Variants in PTPN21 observed in about 807,000 individuals in gnomAD.
PTPN21 encodes the protein protein tyrosine phosphatase non-receptor type 21.
Under a neutral mutation model 131.8 loss-of-function variants are expected in PTPN21, and 77 were observed. The ratio of observed to expected loss-of-function variants is 0.58; its 90% confidence interval spans 0.49 to 0.71. The LOEUF (loss-of-function observed/expected upper bound fraction) is 0.71, where lower values mean the gene tolerates loss of function less well. Among genes scored for constraint, PTPN21 ranks in the 30% least tolerant of loss-of-function variants. The pLI, the probability that PTPN21 is intolerant of heterozygous loss-of-function variation, is 0.00. For missense variants in PTPN21, 1,552 were observed against 1,527.1 expected (o/e 1.02, Z -0.27); for synonymous variants, 715 against 621.3 (o/e 1.15, Z -2.24).
chr14:88,532,512 A>C (rs2078568966), intron 2 of PTPN21, among the ~76,000 whole-genome samples: 1 of 152,230 alleles, frequency 6.6e-6, no homozygotes, highest in Non-Finnish European at 1.5e-5. Flanking sequence ...AGAACAGAGA[A>C]TAGGGAAAAA....
intron 14 of PTPN21, among the ~76,000 whole-genome samples, chr14:88,472,881 A>G (rs2077492798): frequency 6.6e-6 from 1 of 152,214 alleles, no homozygotes; most frequent in African/African-American, 2.4e-5. Flanking sequence ...CTAGGTGAAA[A>G]TGAAGTTAAA....
At chr14:88,495,995 T>G (rs2077908084) in intron 10 of PTPN21, among the ~76,000 whole-genome samples, 1 of 152,086 alleles carries the variant, frequency 6.6e-6, no homozygotes, top group Non-Finnish European at 1.5e-5. Flanking sequence ...AGGACAATAT[T>G]TTATATGTGC....
chr14:88,477,007 C>T (rs2077556142), intron 13 of PTPN21, among the ~76,000 whole-genome samples: 1 of 152,064 alleles, frequency 6.6e-6, no homozygotes, highest in Non-Finnish European at 1.5e-5. Flanking sequence ...GGGGAAAGTA[C>T]GTGAGTCACA....
At chr14:88,480,519 G>C (rs1158701016) in intron 12 of PTPN21, among the ~76,000 whole-genome samples, 167 bp from the exon 13 acceptor site, 1 of 152,074 alleles carries the variant, frequency 6.6e-6, no homozygotes, top group African/African-American at 2.4e-5. Context: ...TGGGAGCTTC[G>C]GCTTCCTCAT....
At chr14:88,491,389 A>G (rs142129539) in intron 10 of PTPN21, among the ~76,000 whole-genome samples, 25 of 152,304 alleles carry the variant, frequency 1.6e-4, no homozygotes, top group African/African-American at 5.3e-4. Flanking sequence ...AGTCGAGTCT[A>G]TCTCCTGGGC....
chr14:88,544,624 A>G (rs931645901), intron 2 of PTPN21, among the ~76,000 whole-genome samples: 2 of 152,192 alleles, frequency 1.3e-5, no homozygotes, highest in African/African-American at 4.8e-5. Context: ...ATAATTACTT[A>G]AATGACAGCA....
intron 3 of PTPN21, among the ~76,000 whole-genome samples, chr14:88,508,306 T>C (rs2078128304): frequency 6.6e-6 from 1 of 152,054 alleles, no homozygotes; most frequent in Non-Finnish European, 1.5e-5. Context: ...CATACCACTA[T>C]GCCTGACAAA....
In PTPN21 at chr14:88,468,768, A is replaced by AC. The variant is rs2077405241; in HGVS notation, c.3396+147dup. On this transcript the variant is annotated intron_variant, in intron 18 of 18. Coordinates refer to ENST00000556564, the MANE Select transcript of PTPN21 (RefSeq NM_007039.4). Reference sequence around the variant, plus strand: ...TGGTACTGAGACTCTCCAAGAAGACACAGCCTTTTGCAGGGAACATTAGTA... The same window carrying AC: ...TGGTACTGAGACTCTCCAAGAAGACACCAGCCTTTTGCAGGGAACATTAGTA... The AC allele has an allele frequency of 3.4e-6, 3 of 894,122 alleles. No homozygotes were observed. In the South Asian group the frequency reaches 4.9e-5, roughly 15 times the overall value. 55.4% of individuals were successfully genotyped at this position (894,122 alleles called of 1,614,324 possible).
intron 6 of PTPN21, among the ~76,000 whole-genome samples, chr14:88,501,847 T>C (rs556703075): frequency 2.0e-5 from 3 of 151,824 alleles, no homozygotes; most frequent in African/African-American, 7.2e-5. Context: ...TAGCCAGGCA[T>C]GGTGGTGCAC....
In PTPN21 at chr14:88,525,655, A is replaced by G. The variant is rs114011655; in HGVS notation, c.181-8394T>C. 1.5e-3 allele frequency among the ~76,000 whole-genome samples: 233 copies of G among 152,322 alleles called. 1 individual carries two copies. Among genetic ancestry groups the G allele is most frequent in the African/African-American group, 4.6e-3 (191 of 41,584 alleles). ...GAAAAGTTTGGTGGATCCTCAAAAC[A>G]CTAAATATAGAATCACCATATGATC... is the stretch of plus-strand genomic sequence containing the variant. On this transcript the variant is annotated intron_variant, in intron 2 of 18. Coordinates refer to ENST00000556564, the MANE Select transcript of PTPN21 (RefSeq NM_007039.4).
chr14:88,469,733 C>G lies in PTPN21; in HGVS notation c.3001G>C (p.Glu1001Gln). Residue 1001 changes from glutamate to glutamine, a missense_variant and splice_region_variant, in exon 17 of 19, where the codon GAG becomes CAG. By Grantham distance (29) the Glu-to-Gln change is conservative. Coordinates refer to ENST00000556564, the MANE Select transcript of PTPN21 (RefSeq NM_007039.4). The surrounding 1 kb of genome is among the most constrained non-coding windows in gnomAD (Gnocchi z 4.3). ...CTAAAGCTCTTCTCCCTTCCACCCTCCTGTTAAAGATGAGCATGGTTAAAT... is the reference window on the plus strand; with the variant it reads ...CTAAAGCTCTTCTCCCTTCCACCCTGCTGTTAAAGATGAGCATGGTTAAAT... ...AIIAMVTAEE[E>Q]GGREKSFRYW... The G allele has an allele frequency of 6.2e-7, 1 of 1,613,980 alleles. No homozygotes were observed. Among genetic ancestry groups the G allele is most frequent in the Middle Eastern group, 1.6e-4 (1 of 6,062 alleles).
Position 88,550,250 on chromosome 14 carries a change from C to T in PTPN21, c.168G>A (p.Leu56=), listed in dbSNP as rs1319972551. 6 of 1,613,650 alleles carry T rather than the reference C, an allele frequency of 3.7e-6. No homozygotes were observed. Among genetic ancestry groups the T allele is most frequent in the Middle Eastern group, 3.3e-4 (2 of 6,076 alleles). Residue 56 remains leucine (L), a synonymous_variant, in exon 2 of 19, where the codon CTG becomes CTA. Transcript: ENST00000556564. ...TTAGGTGGCTTACCTCCCGCAGCTC[C>T]AGCCTCTGGGCCACGGCCTCGAGGC... is the stretch of plus-strand genomic sequence containing the variant. The part of the protein sequence containing the change: ...QESLEAVAQR[L]ELREVTYFSL...
Position 88,479,820 on chromosome 14 carries a change from G to T in PTPN21, c.1611C>A (p.Val537=), listed in dbSNP as rs1462662402. Residue 537 remains valine (V), a synonymous_variant, in exon 13 of 19, where the codon GTC becomes GTA. Transcript: ENST00000556564. The stretch of plus-strand genomic sequence containing the variant: ...GCGCATTGGTCAGCTCCGGCACGCT[G>T]ACCGCGCCCACCACGGGCCGCCGCT... ...PAERRPVVGA[V]SVPELTNAQL... The T allele has an allele frequency of 6.5e-6, 10 of 1,548,620 alleles. No individual in the cohort carries two copies. The highest frequency in any genetic ancestry group is 8.7e-6 in the Non-Finnish European group (10 of 1,152,936).
At chr14:88,511,647 A>G (rs549451567) in intron 3 of PTPN21, among the ~76,000 whole-genome samples, 1 of 152,308 alleles carries the variant, frequency 6.6e-6, no homozygotes, top group East Asian at 1.9e-4. Flanking sequence ...CCAGCCTGGC[A>G]ACCAAGCAAC....
Position 88,478,944 on chromosome 14 carries a change from G to A in PTPN21, c.2487C>T (p.Ile829=), listed in dbSNP as rs1347113372. 1.3e-6 allele frequency: 2 copies of A among 1,513,162 alleles called. No individual in the cohort carries two copies. The highest frequency in any genetic ancestry group is 4.7e-5 in the East Asian group (2 of 42,138). 93.7% of individuals were successfully genotyped at this position (1,513,162 alleles called of 1,614,324 possible). ...VSDLLSGKKN[I]VEGLPPLGGM... ...CCCCTAGAGGCGGGAGCCCTTCCAC[G>A]ATGTTCTTCTTCCCAGAGAGAAGGT... Residue 829 remains isoleucine, a synonymous_variant, in exon 13 of 19, where the codon ATC becomes ATT. Transcript: ENST00000556564.
At position 88,479,998 on chromosome 14, in the gene PTPN21, C is replaced by G. The variant is rs2077624167; in HGVS notation, c.1433G>C (p.Gly478Ala). 1 of 1,612,550 alleles carries G rather than the reference C, an allele frequency of 6.2e-7. No individual in the cohort carries two copies. The highest frequency in any genetic ancestry group is 2.2e-5 in the East Asian group (1 of 44,868). ...GGGCCTGCTGTAGGCGTACGAGCTG[C>G]CGATGTTGAGGTTTCGCAGCGAGTG... ...QSHSLRNLNI[G>A]SSYAYSRPAA... The change falls in exon 13 of 19, where the codon GGC (glycine) becomes GCC (alanine). Residue 478 changes from glycine (G) to alanine (A), a missense_variant. Around this residue, in one of 4 missense-constraint regions of PTPN21, gnomAD observed 1,016 missense variants for 883.5 expected, o/e 1.15. Coordinates refer to ENST00000556564, the MANE Select transcript of PTPN21 (RefSeq NM_007039.4).
At position 88,479,241 on chromosome 14, in the gene PTPN21, T is replaced by C; in HGVS notation, c.2190A>G (p.Ala730=). The C allele has an allele frequency of 6.2e-7, 1 of 1,610,118 alleles. No homozygotes were observed. The highest frequency in any genetic ancestry group is 8.5e-7 in the Non-Finnish European group (1 of 1,178,224). ...GGCCGGGCCGAGGCTCGCGCGCACGTGCAGGAGGCGCCCGGGCCCCGCTCT... is the reference window on the plus strand; with the variant it reads ...GGCCGGGCCGAGGCTCGCGCGCACGCGCAGGAGGCGCCCGGGCCCCGCTCT... ...EEESGARAPP[A]RAREPRPGLA... Residue 730 remains alanine, a synonymous_variant, in exon 13 of 19, where the codon GCA becomes GCG. Transcript: ENST00000556564.
intron 5 of PTPN21, 87 bp from the exon 6 acceptor site, chr14:88,504,582 G>C (rs1023640541): frequency 7.7e-6 from 8 of 1,039,734 alleles, no homozygotes; most frequent in Non-Finnish European, 1.2e-5. Context: ...AATGACTCTC[G>C]TCACTATCAG....
intron 3 of PTPN21, chr14:88,513,579 T>C (rs777767822): frequency 2.0e-5 from 3 of 152,214 alleles, no homozygotes; most frequent in African/African-American, 4.8e-5. Context: ...ATGTCCTCTT[T>C]TGCAAGTAAA....
Sources: allele counts gnomAD v4.1 joint callset (sites outside exome capture counted in the v4.1 genomes callset), GRCh38; gene constraint gnomAD v4.1.1; regional missense constraint gnomAD v4.1.1; non-coding constraint Gnocchi (gnomAD v3.1); transcripts MANE v1.5; gene names NCBI Gene and HGNC (gene_info 2026-07-23, HGNC 2026-07-21).